The following CADPS2 variants were observed in gnomAD, a reference collection of about 807,000 sequenced individuals.
CADPS2 encodes the protein calcium dependent secretion activator 2, also known as calcium-dependent secretion activator 2.
A neutral mutation model predicts 172.5 loss-of-function variants in CADPS2; 93 were observed. That is an observed-to-expected ratio of 0.54 (90% CI 0.46 to 0.64). CADPS2 has a LOEUF of 0.64. CADPS2 is among the 30% of genes least tolerant of loss of function. The pLI is 0.00. For synonymous variants in CADPS2, 546 were observed against 555.2 expected (o/e 0.98, Z 0.23); for missense variants, 1,420 against 1,565.9 (o/e 0.91, Z 1.57).
At chr7:122,749,546 C>T (rs1316305112) in intron 1 of CADPS2, among the ~76,000 whole-genome samples, 3 of 152,054 alleles carry the variant, frequency 2.0e-5, no homozygotes, top group African/African-American at 7.2e-5. Flanking sequence ...ACATTAGCTG[C>T]AACCCACTTT....
At chr7:122,800,593 C>T (rs1018793160) in intron 1 of CADPS2, among the ~76,000 whole-genome samples, 1 of 151,884 alleles carries the variant, frequency 6.6e-6, no homozygotes, top group Non-Finnish European at 1.5e-5. Flanking sequence ...ATAGCAGGGT[C>T]CTAGATCATG....
intron 1 of CADPS2, among the ~76,000 whole-genome samples, chr7:122,759,385 G>A (rs929240605): frequency 3.3e-5 from 5 of 152,168 alleles, no homozygotes; most frequent in African/African-American, 1.2e-4. Context: ...GAAATGCAAA[G>A]GTTAGGAAAG....
chr7:122,596,510 C>T (rs951356195), intron 6 of CADPS2, among the ~76,000 whole-genome samples: 15 of 152,070 alleles, frequency 9.9e-5, no homozygotes, highest in Admixed American at 5.9e-4. Context: ...CTTCGTGACT[C>T]GGGCTTGTGT....
At chr7:122,698,840 C>G (rs756165355) in intron 2 of CADPS2, 2 of 1,613,420 alleles carry the variant, frequency 1.2e-6, no homozygotes, top group Middle Eastern at 1.6e-4. Context: ...TTCTGACTAA[C>G]AAGCCAAAGA....
At chr7:122,708,520 G>GATATATAT (rs57522086) in intron 2 of CADPS2, among the ~76,000 whole-genome samples, 8 of 116,450 alleles carry the variant, frequency 6.9e-5, no homozygotes, top group South Asian at 3.0e-4. Context: ...TTGTATTCGA[G>GATATATAT]ATATATATAT....
At chr7:122,379,291 A>C in intron 25 of CADPS2, 77 bp downstream of exon 25, 2 of 896,218 alleles carry the variant, frequency 2.2e-6, no homozygotes, top group Non-Finnish European at 3.4e-6. Flanking sequence ...TCTCAATTAG[A>C]TATTTAAAAA....
At chr7:122,606,799 T>A (rs956432370) in intron 6 of CADPS2, among the ~76,000 whole-genome samples, 5 of 152,052 alleles carry the variant, frequency 3.3e-5, no homozygotes, top group Admixed American at 2.6e-4. Flanking sequence ...TCCACCTTAT[T>A]TGAGCTATCT....
At chr7:122,516,132 CAAGGT>C (rs1443001870) in intron 8 of CADPS2, among the ~76,000 whole-genome samples, 3 of 151,952 alleles carry the variant, frequency 2.0e-5, no homozygotes, top group Admixed American at 6.6e-5. Flanking sequence ...TGATTGGAAC[CAAGGT>C]AAGCATTTAA....
At chr7:122,769,279 G>A (rs980620622) in intron 1 of CADPS2, among the ~76,000 whole-genome samples, 33 of 152,186 alleles carry the variant, frequency 2.2e-4, no homozygotes, top group African/African-American at 7.7e-4. Flanking sequence ...TTTGGATAGA[G>A]CTCTGGCAAC....
intron 13 of CADPS2, among the ~76,000 whole-genome samples, 171 bp downstream of exon 13, chr7:122,474,210 T>G (rs2056343689): frequency 6.6e-6 from 1 of 152,108 alleles, no homozygotes; most frequent in African/African-American, 2.4e-5. Context: ...TGGGAAGCAA[T>G]CAACTGGAAT....
chr7:122,527,617 A>AGAGAGAGAGAGAGAGAGG, intron 8 of CADPS2, among the ~76,000 whole-genome samples: 2 of 83,806 alleles, frequency 2.4e-5, no homozygotes, highest in Non-Finnish European at 5.2e-5. Flanking sequence ...AGAGAGAGAG[A>AGAGAGAGAGAGAGAGAGG]GTGTGTGTGT....
chr7:122,636,808 T>A lies in CADPS2; in HGVS notation c.787-7480A>T, dbSNP rs1350807776. Among the ~76,000 whole-genome samples, 3 of 152,072 alleles carry A rather than the reference T, an allele frequency of 2.0e-5. No homozygotes were observed. In the East Asian group the frequency reaches 5.8e-4, roughly 29 times the overall value. On this transcript the variant is annotated intron_variant, in intron 3 of 29. Coordinates refer to ENST00000449022, the MANE Select transcript of CADPS2 (RefSeq NM_017954.11). ...TTTTGTTGTTGTTGAACTTGGTGAATCTGATGGCTATGTGCCTTGGGGTTG... is the reference window on the plus strand; with the variant it reads ...TTTTGTTGTTGTTGAACTTGGTGAAACTGATGGCTATGTGCCTTGGGGTTG...
intron 27 of CADPS2, among the ~76,000 whole-genome samples, chr7:122,351,134 G>A: frequency 6.6e-6 from 1 of 151,892 alleles, no homozygotes; most frequent in Non-Finnish European, 1.5e-5. Flanking sequence ...GGGAGGCTGA[G>A]GTGGGCAGAT....
At chr7:122,503,331 G>A (rs2059370221) in intron 9 of CADPS2, among the ~76,000 whole-genome samples, 1 of 152,112 alleles carries the variant, frequency 6.6e-6, no homozygotes, top group South Asian at 2.1e-4. Flanking sequence ...ACTGTGCACG[G>A]CCAATACAAT....
intron 2 of CADPS2, among the ~76,000 whole-genome samples, chr7:122,718,086 C>T (rs570435238): frequency 6.9e-6 from 1 of 144,112 alleles, no homozygotes; most frequent in South Asian, 2.2e-4. Context: ...ATGCCTCAGC[C>T]TCCTAAAATG....
chr7:122,454,734 T>C (rs1342733053), intron 14 of CADPS2, among the ~76,000 whole-genome samples: 1 of 152,192 alleles, frequency 6.6e-6, no homozygotes, highest in Non-Finnish European at 1.5e-5. Flanking sequence ...TTTATGAATG[T>C]TTGTTTAATA....
At chr7:122,353,193 A>G (rs889977033) in intron 27 of CADPS2, among the ~76,000 whole-genome samples, 2 of 152,200 alleles carry the variant, frequency 1.3e-5, no homozygotes, top group African/African-American at 4.8e-5. Flanking sequence ...GGAAGCCCAC[A>G]GATCAAACAG....
intron 15 of CADPS2, among the ~76,000 whole-genome samples, chr7:122,449,937 G>C (rs1435658548): frequency 6.6e-6 from 1 of 152,042 alleles, no homozygotes; most frequent in Non-Finnish European, 1.5e-5. Flanking sequence ...ACTGCTACTA[G>C]CCCCAGTTGA....
At chr7:122,466,635 A>G (rs2055174116) in intron 14 of CADPS2, among the ~76,000 whole-genome samples, 1 of 152,200 alleles carries the variant, frequency 6.6e-6, no homozygotes, top group African/African-American at 2.4e-5. Context: ...AGCTCATTTA[A>G]CTAATACACT....
Sources: allele counts gnomAD v4.1 joint callset (sites outside exome capture counted in the v4.1 genomes callset), GRCh38; gene constraint gnomAD v4.1.1; transcripts MANE v1.5; gene names NCBI Gene and HGNC (gene_info 2026-07-23, HGNC 2026-07-21).